PARD3B: variants seen among roughly 807,000 people sequenced by gnomAD.
PARD3B encodes partitioning defective 3 homolog B.
PARD3B carries 103 observed loss-of-function variants against 130.2 expected under a neutral mutation model. That is an observed-to-expected ratio of 0.79 (90% CI 0.67 to 0.93). The LOEUF (loss-of-function observed/expected upper bound fraction) is 0.93. Ranked by LOEUF, PARD3B falls within the 40% of genes least tolerant of loss-of-function variation. The pLI, the probability that PARD3B is intolerant of heterozygous loss-of-function variation, is 0.00. For missense variants in PARD3B, 1,609 were observed against 1,499.2 expected, an observed-to-expected ratio of 1.07 and a Z score of -1.21; for synonymous variants, 583 against 553.2, an observed-to-expected ratio of 1.05 and a Z score of -0.76.
At chr2:204,601,639 G>A (rs1162585815) in intron 1 of PARD3B, among the ~76,000 whole-genome samples, 1 of 151,904 alleles carries the variant, frequency 6.6e-6, no homozygotes, top group African/African-American at 2.4e-5. Context: ...AATCAATGTA[G>A]AGCTTAAGCA....
chr2:205,201,325 G>T (rs979873262), intron 15 of PARD3B, among the ~76,000 whole-genome samples: 4 of 102,080 alleles, frequency 3.9e-5, no homozygotes, highest in African/African-American at 1.4e-4. Flanking sequence ...TTTTGAAATC[G>T]AAAAGGATAA....
chr2:205,228,802 C>A (rs2038692115), intron 15 of PARD3B, among the ~76,000 whole-genome samples: 1 of 142,352 alleles, frequency 7.0e-6, no homozygotes, highest in Non-Finnish European at 1.5e-5. Context: ...TTTTTTTATT[C>A]TTTTTATTCT....
intron 1 of PARD3B, among the ~76,000 whole-genome samples, chr2:204,618,161 C>T (rs1226556814): frequency 6.6e-6 from 1 of 152,148 alleles, no homozygotes. Context: ...CATTTCTTAT[C>T]TGAACTGCTG....
intron 15 of PARD3B, among the ~76,000 whole-genome samples, chr2:205,214,429 A>T (rs11896884): frequency 4.0e-5 from 6 of 151,270 alleles, no homozygotes; most frequent in South Asian, 2.1e-4. Flanking sequence ...ATATTTAGAG[A>T]TTTTGTTCAC....
intron 2 of PARD3B, among the ~76,000 whole-genome samples, chr2:204,810,440 AGTTTTTTAACAT>A (rs1259452138): frequency 2.6e-5 from 4 of 151,990 alleles, no homozygotes; most frequent in Non-Finnish European, 4.4e-5. Flanking sequence ...GTTTATTGAT[AGTTTTTTAACAT>A]GTTTTTTAAC....
intron 2 of PARD3B, among the ~76,000 whole-genome samples, chr2:204,754,023 C>T (rs1434386230): frequency 1.3e-5 from 2 of 152,168 alleles, no homozygotes; most frequent in Non-Finnish European, 2.9e-5. Flanking sequence ...GCCAGGCTGG[C>T]TGATGCAAGT....
chr2:204,894,003 G>T (rs1303076183), intron 2 of PARD3B, among the ~76,000 whole-genome samples: 1 of 151,676 alleles, frequency 6.6e-6, no homozygotes, highest in Admixed American at 6.6e-5. Context: ...TAGAAAATAT[G>T]ACTGTGTCCC....
chr2:205,516,334 G>A (rs918390324), intron 21 of PARD3B, among the ~76,000 whole-genome samples: 1 of 151,992 alleles, frequency 6.6e-6, no homozygotes, highest in African/African-American at 2.4e-5. Flanking sequence ...ATATGGATCT[G>A]TAAATTGCTT....
At chr2:205,409,112 A>T (rs75059412) in intron 19 of PARD3B, among the ~76,000 whole-genome samples, 4,370 of 152,260 alleles carry the variant, frequency 0.029, 197 homozygotes, top group African/African-American at 0.099. Flanking sequence ...CAGGACAAGG[A>T]CATGTTCTCT....
In PARD3B at chr2:205,287,332, G is replaced by A. The variant is rs1437167334; in HGVS notation, c.2186-13198G>A. The stretch of plus-strand genomic sequence containing the variant: ...ACTCCTGGCAACTAAAATGTTCAGA[G>A]GAACATCCACAAAGAAATGTAGCTG... On this transcript the variant is annotated intron_variant, in intron 16 of 22. Coordinates refer to ENST00000406610, the MANE Select transcript of PARD3B (RefSeq NM_001302769.2). The surrounding 1 kb of genome is among the most constrained non-coding windows in gnomAD (Gnocchi z 4.8). 1.3e-5 allele frequency among the ~76,000 whole-genome samples: 2 copies of A among 152,182 alleles called. No homozygotes were observed. The highest frequency in any genetic ancestry group is 2.9e-5 in the Non-Finnish European group (2 of 68,030).
chr2:205,178,455 A>C (rs1292520454), intron 13 of PARD3B, among the ~76,000 whole-genome samples: 2 of 151,962 alleles, frequency 1.3e-5, no homozygotes, highest in East Asian at 3.9e-4. Flanking sequence ...TGTTTCAAAG[A>C]AAAAAAAGAA....
chr2:205,333,314 T>C (rs1218083044), intron 18 of PARD3B, among the ~76,000 whole-genome samples: 2 of 147,618 alleles, frequency 1.4e-5, no homozygotes, highest in African/African-American at 5.0e-5. Context: ...CATTTTAGTA[T>C]AAAAAAAGAA....
At chr2:204,756,198 T>C (rs1035470954) in intron 2 of PARD3B, among the ~76,000 whole-genome samples, 6 of 152,102 alleles carry the variant, frequency 3.9e-5, no homozygotes, top group African/African-American at 1.4e-4. Context: ...TCACACAAGA[T>C]TACCTGAAAT....
intron 11 of PARD3B, among the ~76,000 whole-genome samples, chr2:205,162,159 C>T (rs1258410752): frequency 6.6e-6 from 1 of 152,178 alleles, no homozygotes; most frequent in African/African-American, 2.4e-5. Flanking sequence ...CTAGGACGCC[C>T]TCTTGGAAGT....
At chr2:205,247,022 C>G (rs2039602342) in intron 16 of PARD3B, among the ~76,000 whole-genome samples, 1 of 152,162 alleles carries the variant, frequency 6.6e-6, no homozygotes, top group African/African-American at 2.4e-5. Context: ...CAAGGATAAT[C>G]TATAATATCT....
At chr2:205,159,153 A>G (rs1219740442) in intron 11 of PARD3B, among the ~76,000 whole-genome samples, 1 of 152,178 alleles carries the variant, frequency 6.6e-6, no homozygotes, top group South Asian at 2.1e-4. Flanking sequence ...TCTTTTTTGC[A>G]TACTTTTTAT....
At chr2:204,857,123 A>G (rs2125619223) in intron 2 of PARD3B, among the ~76,000 whole-genome samples, 1 of 152,276 alleles carries the variant, frequency 6.6e-6, no homozygotes, top group South Asian at 2.1e-4. Context: ...TGAAATTCAT[A>G]TTATTATCTG....
intron 20 of PARD3B, among the ~76,000 whole-genome samples, chr2:205,480,337 A>C (rs2049185938): frequency 6.6e-6 from 1 of 152,188 alleles, no homozygotes. Context: ...CAGACCTTAG[A>C]TTAAAAGAAA....
intron 2 of PARD3B, among the ~76,000 whole-genome samples, chr2:204,757,228 T>C (rs2040715485): frequency 6.6e-6 from 1 of 152,228 alleles, no homozygotes; most frequent in Non-Finnish European, 1.5e-5. Flanking sequence ...AATATATGAA[T>C]GCAAGTGTCT....
Sources: gnomAD v4.1 joint callset for allele counts (sites outside exome capture counted in the v4.1 genomes callset) on GRCh38, gnomAD v4.1.1 for gene constraint, Gnocchi (gnomAD v3.1) non-coding constraint, MANE v1.5 for transcripts, NCBI Gene and HGNC (gene_info 2026-07-23, HGNC 2026-07-21) for gene names.